The following ENTPD1 variants were observed in gnomAD, a reference collection of about 807,000 sequenced individuals.
The protein encoded by ENTPD1 is ectonucleoside triphosphate diphosphohydrolase 1, also known as ATP diphosphohydrolase.
A neutral mutation model predicts 57.0 loss-of-function variants in ENTPD1; 33 were observed. The ratio of observed to expected loss-of-function variants is 0.58; its 90% CI spans 0.44 to 0.77. ENTPD1 has a LOEUF of 0.77. Among genes scored for constraint, ENTPD1 ranks in the 30% least tolerant of loss-of-function variants. ENTPD1 has a pLI of 0.00. For missense variants in ENTPD1, 501 were observed against 603.4 expected, an observed-to-expected ratio of 0.83 and a Z score of 1.78; for synonymous variants, 202 against 218.8, an observed-to-expected ratio of 0.92 and a Z score of 0.68.
At chr10:95,808,435 G>A (rs549079191) in intron 1 of ENTPD1, among the ~76,000 whole-genome samples, 35 of 152,294 alleles carry the variant, frequency 2.3e-4, no homozygotes, top group African/African-American at 7.7e-4. Flanking sequence ...CATATGCCTC[G>A]TAGAATGAGT....
In ENTPD1 at chr10:95,799,040, A is replaced by G. The variant is rs192626837; in HGVS notation, c.17-24197A>G. On this transcript the variant is annotated intron_variant, in intron 1 of 9. Transcript: ENST00000371205. ...CCGGTTTTATACAGACAGACAATCTATTTCACCTGATGGAATGAAAAGGAT... is the reference window on the plus strand; with the variant it reads ...CCGGTTTTATACAGACAGACAATCTGTTTCACCTGATGGAATGAAAAGGAT... 1.7e-3 allele frequency among the ~76,000 whole-genome samples: 265 copies of G among 152,328 alleles called. 1 individual carries two copies. The highest frequency in any genetic ancestry group is 3.4e-3 in the Middle Eastern group (1 of 294).
chr10:95,728,611 T>G (rs2097986129), intron 1 of ENTPD1, among the ~76,000 whole-genome samples: 1 of 152,116 alleles, frequency 6.6e-6, no homozygotes, highest in Non-Finnish European at 1.5e-5. Context: ...CTAAACACAA[T>G]GAAAAATATG....
chr10:95,712,851 G>A (rs571568557), intron 1 of ENTPD1, among the ~76,000 whole-genome samples: 44 of 152,166 alleles, frequency 2.9e-4, no homozygotes, highest in Non-Finnish European at 5.3e-4. Context: ...TGGCTAACAC[G>A]ATGAAACCCC....
At chr10:95,797,847 G>A (rs930816305) in intron 1 of ENTPD1, among the ~76,000 whole-genome samples, 1 of 152,188 alleles carries the variant, frequency 6.6e-6, no homozygotes, top group African/African-American at 2.4e-5. Flanking sequence ...GAGATTTGGA[G>A]GAGGAAAACA....
intron 1 of ENTPD1, among the ~76,000 whole-genome samples, chr10:95,722,572 C>T (rs533502918): frequency 1.3e-5 from 2 of 148,700 alleles, no homozygotes; most frequent in South Asian, 4.2e-4. Flanking sequence ...TGCATATTCT[C>T]ACTCATAGGT....
chr10:95,869,160 C>T lies in ENTPD1; in HGVS notation c.*2777C>T, dbSNP rs73315224. The stretch of plus-strand genomic sequence containing the variant: ...GCTAACCCTGTTCCTTTATGAGGAA[C>T]CTTTTAAAGATTCCTTTATAAGGTG... On this transcript the variant is annotated 3_prime_UTR_variant, in exon 10 of 10. Coordinates refer to ENST00000371205, the MANE Select transcript of ENTPD1 (RefSeq NM_001776.6). 0.066 allele frequency: 64,683 copies of T among 984,276 alleles called. 2,272 individuals carry two copies. Among genetic ancestry groups the T allele is most frequent in the South Asian group, 0.086 (1,829 of 21,234 alleles). 61.0% of individuals were successfully genotyped at this position (984,276 alleles called of 1,614,324 possible). A position where few individuals can be genotyped will look rare whatever the true frequency, so the allele number is the denominator to read the frequency against.
chr10:95,695,061 C>T, the ENTPD1 span, among the ~76,000 whole-genome samples: 4 of 151,926 alleles, frequency 2.6e-5, no homozygotes, highest in East Asian at 3.9e-4. Context: ...CCACCACGCC[C>T]GGCTAATTTT....
intron 1 of ENTPD1, among the ~76,000 whole-genome samples, chr10:95,800,911 G>A (rs565414673): frequency 7.2e-5 from 11 of 152,132 alleles, no homozygotes; most frequent in South Asian, 4.1e-4. Context: ...GTCCTGAGGT[G>A]ACATACATCC....
At chr10:95,858,252 G>T (rs114114344) in intron 7 of ENTPD1, among the ~76,000 whole-genome samples, 2,277 of 152,154 alleles carry the variant, frequency 0.015, 61 homozygotes, top group African/African-American at 0.053. Flanking sequence ...GAGGGGAAGT[G>T]GAAGTCCAGG....
At chr10:95,796,495 A>T (rs777002770) in intron 1 of ENTPD1, among the ~76,000 whole-genome samples, 4 of 152,216 alleles carry the variant, frequency 2.6e-5, no homozygotes, top group Non-Finnish European at 5.9e-5. Context: ...ACATTTTACT[A>T]TAAGGCAGGA....
rs375575309 is a variant in ENTPD1, at chr10:95,845,316, G to A, written c.574-41G>A. The A allele has an allele frequency of 3.4e-5, 55 of 1,613,702 alleles. No homozygotes were observed. In the Middle Eastern group the frequency reaches 4.9e-4, roughly 15 times the overall value. Reference sequence around the variant, plus strand: ...CAATAGATACTATGAAAAGCAGGGTGTCCAGAGACTTCTAGCACTGGTAAC... The same window carrying A: ...CAATAGATACTATGAAAAGCAGGGTATCCAGAGACTTCTAGCACTGGTAAC... On this transcript the variant is annotated intron_variant, in intron 5 of 9. Transcript: ENST00000371205.
Position 95,875,894 on chromosome 10 carries a change from C to A in ENTPD1, c.*9511C>A, listed in dbSNP as rs1408998280. ...GCCCCCTTGATTCAATTACCTCCCCCTGGGTCCTGTGGGAATTCTGGAAGG... is the reference window on the plus strand; with the variant it reads ...GCCCCCTTGATTCAATTACCTCCCCATGGGTCCTGTGGGAATTCTGGAAGG... On this transcript the variant is annotated 3_prime_UTR_variant, in exon 10 of 10. Coordinates refer to ENST00000371205, the MANE Select transcript of ENTPD1 (RefSeq NM_001776.6). 1 of 845,534 alleles carries A rather than the reference C, an allele frequency of 1.2e-6. No homozygotes were observed. Among genetic ancestry groups the A allele is most frequent in the Non-Finnish European group, 1.4e-6 (1 of 702,614 alleles). The allele number at this position is 845,534 out of a possible 1,614,324, so 52.4% of individuals were successfully genotyped here. A position where few individuals can be genotyped will look rare whatever the true frequency, so the allele number is the denominator to read the frequency against.
intron 1 of ENTPD1, among the ~76,000 whole-genome samples, chr10:95,741,508 G>A (rs2098000299): frequency 6.6e-6 from 1 of 152,186 alleles, no homozygotes; most frequent in Non-Finnish European, 1.5e-5. Context: ...CATGAAGTGA[G>A]CACATGGTAC....
chr10:95,854,110 G>T (rs1404024839), intron 7 of ENTPD1, among the ~76,000 whole-genome samples: 1 of 152,076 alleles, frequency 6.6e-6, no homozygotes, highest in Non-Finnish European at 1.5e-5. Context: ...CAATTTCAGA[G>T]CCTGTTATTG....
At position 95,873,034 on chromosome 10, in the gene ENTPD1, G is replaced by T; in HGVS notation, c.*6651G>T. The T allele has an allele frequency of 1.0e-6, 1 of 965,992 alleles. No individual in the cohort carries two copies. Among genetic ancestry groups the T allele is most frequent in the South Asian group, 4.8e-5 (1 of 20,880 alleles). The allele number at this position is 965,992 out of a possible 1,614,324, so 59.8% of individuals were successfully genotyped here. A position where few individuals can be genotyped will look rare whatever the true frequency, so the allele number is the denominator to read the frequency against. ...TTTAATGTACATACAAATTACCCAGGGATTTTGTTGAAATAAAAATTATTT... is the reference window on the plus strand; with the variant it reads ...TTTAATGTACATACAAATTACCCAGTGATTTTGTTGAAATAAAAATTATTT... On this transcript the variant is annotated 3_prime_UTR_variant, in exon 10 of 10. Coordinates refer to ENST00000371205, the MANE Select transcript of ENTPD1 (RefSeq NM_001776.6).
At chr10:95,760,814 C>CTTTTTCTTTTTTT (rs2098055767) in intron 1 of ENTPD1, among the ~76,000 whole-genome samples, 1 of 62,956 alleles carries the variant, frequency 1.6e-5, no homozygotes, top group Non-Finnish European at 2.8e-5. Flanking sequence ...AGAGTTTATT[C>CTTTTTCTTTTTTT]TTTTTTTTTT....
intron 1 of ENTPD1, among the ~76,000 whole-genome samples, chr10:95,804,742 T>C (rs1459969050): frequency 1.3e-5 from 2 of 152,244 alleles, no homozygotes; most frequent in Non-Finnish European, 2.9e-5. Context: ...AGAGAGGGCA[T>C]CCCTGTCTTG....
At chr10:95,755,722 G>T, upstream of ENTPD1, 1 of 1,537,222 alleles carries the variant, frequency 6.5e-7, no homozygotes, top group Non-Finnish European at 8.7e-7. Context: ...TTTATGGGGA[G>T]GGAAGAACTG....
At chr10:95,783,489 T>G (rs1187998149) in intron 1 of ENTPD1, among the ~76,000 whole-genome samples, 1 of 152,218 alleles carries the variant, frequency 6.6e-6, no homozygotes, top group East Asian at 1.9e-4. Flanking sequence ...TTTGCTACTC[T>G]CTTTCTAAAA....
Sources: gnomAD v4.1 joint callset for allele counts (sites outside exome capture counted in the v4.1 genomes callset) on GRCh38, gnomAD v4.1.1 for gene constraint, MANE v1.5 for transcripts, NCBI Gene and HGNC (gene_info 2026-07-23, HGNC 2026-07-21) for gene names.